Variants in POLR3B observed in about 807,000 individuals in gnomAD.
POLR3B encodes RNA polymerase III subunit B.
POLR3B carries 96 observed loss-of-function variants against 147.4 expected under a neutral mutation model. That is an observed-to-expected ratio of 0.65 (90% CI 0.55 to 0.77). The LOEUF is 0.77. Among genes scored for constraint, POLR3B ranks in the 30% least tolerant of loss-of-function variants. The probability of loss-of-function intolerance (pLI) is 0.00; values close to 1 mark genes in which losing one functional copy is unlikely to be tolerated. For missense variants in POLR3B, 1,036 were observed against 1,413.5 expected (o/e 0.73, Z 4.28); for synonymous variants, 461 against 485.9 (o/e 0.95, Z 0.67).
chr12:106,403,574 C>A (rs988669393), intron 10 of POLR3B, among the ~76,000 whole-genome samples: 19 of 152,058 alleles, frequency 1.2e-4, no homozygotes, highest in Non-Finnish European at 2.2e-4. Context: ...TGTCCAACAA[C>A]AATAGACTGG....
intron 16 of POLR3B, among the ~76,000 whole-genome samples, chr12:106,436,521 T>A (rs2037578916): frequency 6.6e-6 from 1 of 152,188 alleles, no homozygotes; most frequent in African/African-American, 2.4e-5. Context: ...CTCAGTGATG[T>A]TTAGACTAAA....
At chr12:106,497,054 A>G (rs2038500673) in intron 25 of POLR3B, 136 bp downstream of exon 25, 8 of 806,656 alleles carry the variant, frequency 9.9e-6, no homozygotes, top group Admixed American at 2.0e-5. Context: ...GTGGCCCAGG[A>G]CGGCTTCGAA....
chr12:106,508,855 G>A (rs1203030367), intron 27 of POLR3B, among the ~76,000 whole-genome samples: 1 of 152,192 alleles, frequency 6.6e-6, no homozygotes, highest in Non-Finnish European at 1.5e-5. Flanking sequence ...AAGAGCACTA[G>A]ACAAGTTACC....
intron 23 of POLR3B, among the ~76,000 whole-genome samples, chr12:106,489,645 A>C (rs1052550623): frequency 1.3e-5 from 2 of 152,332 alleles, no homozygotes; most frequent in African/African-American, 4.8e-5. Flanking sequence ...GCCAAGGAGA[A>C]AGTTTATCTG....
At chr12:106,457,733 A>G (rs1247462554) in intron 21 of POLR3B, among the ~76,000 whole-genome samples, 3 of 152,214 alleles carry the variant, frequency 2.0e-5, no homozygotes, top group Non-Finnish European at 4.4e-5. Context: ...TGGGTCTCAC[A>G]GGCTAGTGCA....
chr12:106,371,904 C>T (rs1033027748), intron 6 of POLR3B, among the ~76,000 whole-genome samples: 6 of 151,470 alleles, frequency 4.0e-5, no homozygotes, highest in African/African-American at 9.7e-5. Context: ...CTAACCTGCA[C>T]GTTGTGCACA....
chr12:106,371,095 T>C (rs568108745), intron 6 of POLR3B, among the ~76,000 whole-genome samples: 9 of 152,284 alleles, frequency 5.9e-5, no homozygotes, highest in Non-Finnish European at 1.2e-4. Context: ...AGGGTTTAAA[T>C]CCTGGTTTAA....
chr12:106,470,370 T>C (rs553345749), intron 23 of POLR3B, among the ~76,000 whole-genome samples: 11 of 152,264 alleles, frequency 7.2e-5, no homozygotes, highest in African/African-American at 2.2e-4. Flanking sequence ...TTTCAAGGTT[T>C]TCAGCTTCCT....
chr12:106,471,256 G>T (rs1357574509), intron 23 of POLR3B, among the ~76,000 whole-genome samples: 1 of 152,212 alleles, frequency 6.6e-6, no homozygotes, highest in Non-Finnish European at 1.5e-5. Flanking sequence ...CCGTGGGCAT[G>T]AGACCAACCA....
intron 10 of POLR3B, among the ~76,000 whole-genome samples, chr12:106,401,894 A>C (rs1427537509): frequency 6.6e-6 from 1 of 152,196 alleles, no homozygotes; most frequent in African/African-American, 2.4e-5. Flanking sequence ...CCCTTTGAAA[A>C]CTGGCACAGG....
intron 10 of POLR3B, among the ~76,000 whole-genome samples, chr12:106,401,576 A>T (rs1172378741): frequency 6.6e-6 from 1 of 152,232 alleles, no homozygotes; most frequent in African/African-American, 2.4e-5. Context: ...AAATACTGGC[A>T]AACCGAATCC....
chr12:106,446,246 T>G (rs773229787), intron 19 of POLR3B: 1 of 456,000 alleles, frequency 2.2e-6, no homozygotes, highest in South Asian at 1.5e-5. Flanking sequence ...TGTAGAACCT[T>G]CAGCAGAATT....
intron 24 of POLR3B, 32 bp downstream of exon 24, chr12:106,496,190 G>T: frequency 7.8e-7 from 1 of 1,277,440 alleles, no homozygotes; most frequent in Non-Finnish European, 1.1e-6. Context: ...CAGAGGCATT[G>T]CCTTTAAGGA....
At chr12:106,412,881 A>G (rs1201160963) in intron 12 of POLR3B, among the ~76,000 whole-genome samples, 3 of 152,162 alleles carry the variant, frequency 2.0e-5, no homozygotes, top group African/African-American at 7.2e-5. Context: ...CATTTCCCTA[A>G]AAACTGATTA....
intron 7 of POLR3B, among the ~76,000 whole-genome samples, chr12:106,377,931 T>A (rs140012441): frequency 6.0e-4 from 91 of 152,110 alleles, no homozygotes; most frequent in African/African-American, 2.0e-3. Flanking sequence ...TTACAAAAAA[T>A]TTAAAAATTA....
At chr12:106,406,266 T>C (rs75779706) in intron 11 of POLR3B, among the ~76,000 whole-genome samples, 1 of 152,354 alleles carries the variant, frequency 6.6e-6, no homozygotes, top group African/African-American at 2.4e-5. Flanking sequence ...CTAGATTTCA[T>C]GGTTTTGAAG....
rs1244352611 is a variant in POLR3B at position 106,510,161 on chromosome 12, G to C, written c.*612G>C. ...GCTATTATTTTAAACCTGCATGATT[G>C]TACCATGCAATACTATTCGTTAAAT... is the stretch of plus-strand genomic sequence containing the variant. On this transcript the variant is annotated 3_prime_UTR_variant, in exon 28 of 28. Coordinates refer to ENST00000228347, the MANE Select transcript of POLR3B (RefSeq NM_018082.6). The C allele has an allele frequency of 6.2e-6, 1 of 161,204 alleles. No homozygotes were observed. Among genetic ancestry groups the C allele is most frequent in the African/African-American group, 2.4e-5 (1 of 41,494 alleles). 10.0% of individuals were successfully genotyped at this position (161,204 alleles called of 1,614,324 possible).
chr12:106,427,520 A>G (rs2037455323), intron 13 of POLR3B, among the ~76,000 whole-genome samples, 162 bp downstream of exon 13: 1 of 152,224 alleles, frequency 6.6e-6, no homozygotes, highest in Admixed American at 6.5e-5. Flanking sequence ...TGAAGTGTTT[A>G]TTACTATAAC....
intron 22 of POLR3B, 27 bp from the exon 23 acceptor site, chr12:106,463,449 CTG>C: frequency 6.2e-7 from 1 of 1,608,806 alleles, no homozygotes; most frequent in Non-Finnish European, 8.5e-7. Context: ...TTTGAAAACT[CTG>C]TTTTAGTGAC....
Sources: gnomAD v4.1 joint callset for allele counts (sites outside exome capture counted in the v4.1 genomes callset) on GRCh38, gnomAD v4.1.1 for gene constraint, MANE v1.5 for transcripts, NCBI Gene and HGNC (gene_info 2026-07-23, HGNC 2026-07-21) for gene names.